ANK1: variants seen among roughly 807,000 people sequenced by gnomAD.
ANK1 encodes the protein ankyrin 1.
A neutral mutation model predicts 210.4 loss-of-function variants in ANK1; 51 were observed. That is an observed-to-expected ratio of 0.24 (90% CI 0.19 to 0.31). ANK1 has a LOEUF of 0.31. ANK1 is among the 10% of genes least tolerant of loss of function. The pLI is 1.00. For synonymous variants in ANK1, 967 were observed against 1,025.9 expected (o/e 0.94, Z 1.10); for missense variants, 2,051 against 2,504.4 (o/e 0.82, Z 3.86).
intron 1 of ANK1, among the ~76,000 whole-genome samples, chr8:41,843,850 T>C (rs544623890): frequency 1.3e-5 from 2 of 152,304 alleles, no homozygotes; most frequent in African/African-American, 4.8e-5. Context: ...AGGGTCTCCA[T>C]AAATCTCATG....
At chr8:41,766,840 C>T (rs1841897014) in intron 1 of ANK1, among the ~76,000 whole-genome samples, 1 of 152,238 alleles carries the variant, frequency 6.6e-6, no homozygotes, top group African/African-American at 2.4e-5. Context: ...TCATTTCCTG[C>T]TACCTGGGGG....
At position 41,831,639 on chromosome 8, in the gene ANK1, C is replaced by CA. The variant is rs143137281; in HGVS notation, c.126+64715dup. On this transcript the variant is annotated intron_variant, in intron 1 of 42. Transcript: ENST00000265709. ...ACTCCAGTGCAGAGCAAAAGTCTGT[C>CA]AAAAAAAAAAAAAAAAGAAGAAGAA... 5.9e-3 allele frequency among the ~76,000 whole-genome samples: 343 copies of CA among 58,382 alleles called. 3 individuals carry two copies. The highest frequency in any genetic ancestry group is 0.02 in the Middle Eastern group (2 of 102). 38.3% of individuals were successfully genotyped at this position (58,382 alleles called of 152,430 possible). A position where few individuals can be genotyped will look rare whatever the true frequency, so the allele number is the denominator to read the frequency against.
intron 1 of ANK1, among the ~76,000 whole-genome samples, chr8:41,890,267 G>A (rs1001658435): frequency 6.6e-6 from 1 of 152,200 alleles, no homozygotes; most frequent in African/African-American, 2.4e-5. Flanking sequence ...TCATGCACAC[G>A]TAGCTGATAC....
intron 1 of ANK1, among the ~76,000 whole-genome samples, chr8:41,886,972 A>G (rs1472951387): frequency 2.0e-5 from 3 of 152,094 alleles, no homozygotes; most frequent in Admixed American, 6.6e-5. Context: ...CCAAGACCCA[A>G]CTGCCTGGGC....
chr8:41,715,079 G>C lies in ANK1; in HGVS notation c.1603-5C>G. 3 of 1,614,004 alleles carry C rather than the reference G, an allele frequency of 1.9e-6. No homozygotes were observed. Among genetic ancestry groups the C allele is most frequent in the Non-Finnish European group, 2.5e-6 (3 of 1,179,954 alleles). On this transcript the variant is annotated splice_region_variant and splice_polypyrimidine_tract_variant and intron_variant, in intron 14 of 42. Coordinates refer to ENST00000289734, the MANE Select transcript of ANK1 (RefSeq NM_000037.4). The stretch of plus-strand genomic sequence containing the variant: ...GTGCAGAGGGGTAAATCCTTTCTGA[G>C]GAGAAACAGGCTGTCAGGACCTTGG...
At chr8:41,740,398 A>C (rs1834486580) in intron 2 of ANK1, among the ~76,000 whole-genome samples, 1 of 151,876 alleles carries the variant, frequency 6.6e-6, no homozygotes, top group African/African-American at 2.4e-5. Flanking sequence ...GAACTTAGGT[A>C]GTCTACCCGT....
At chr8:41,679,231 G>A (rs1204023102) in intron 37 of ANK1, among the ~76,000 whole-genome samples, 1 of 152,190 alleles carries the variant, frequency 6.6e-6, no homozygotes, top group Non-Finnish European at 1.5e-5. Context: ...ATTTTACCTT[G>A]TGGAGTGCTG....
Position 41,731,908 on chromosome 8 carries a change from C to T in ANK1, c.228+2063G>A, listed in dbSNP as rs572566110. ...ATGGCACACAGCTCACAGCCAGGTA[C>T]GTGGGAGTGTGCAGAGAAAATAATC... On this transcript the variant is annotated intron_variant, in intron 3 of 42. Transcript: ENST00000289734. Among the ~76,000 whole-genome samples, 262 of 152,318 alleles carry T rather than the reference C, an allele frequency of 1.7e-3. 10 individuals carry two copies. In the South Asian group the frequency reaches 0.049, roughly 29 times the overall value.
At chr8:41,666,458 A>G (rs879371805) in intron 39 of ANK1, among the ~76,000 whole-genome samples, 6 of 152,224 alleles carry the variant, frequency 3.9e-5, no homozygotes, top group Non-Finnish European at 7.3e-5. Flanking sequence ...CACGGGGAAA[A>G]GTATGTGCAA....
chr8:41,686,682 C>A (rs931347025), intron 35 of ANK1, among the ~76,000 whole-genome samples: 8 of 152,206 alleles, frequency 5.3e-5, no homozygotes, highest in African/African-American at 1.9e-4. Flanking sequence ...ATTCTCACCC[C>A]AGCACTGCCT....
intron 8 of ANK1, 121 bp downstream of exon 8, chr8:41,723,414 C>T (rs752507488): frequency 8.8e-5 from 109 of 1,245,560 alleles, no homozygotes; most frequent in African/African-American, 1.9e-4. Flanking sequence ...CTGCTGCAGG[C>T]GGCTCCGGGA....
At chr8:41,771,146 G>C (rs1382812539) in intron 1 of ANK1, among the ~76,000 whole-genome samples, 1 of 152,120 alleles carries the variant, frequency 6.6e-6, no homozygotes, top group African/African-American at 2.4e-5. Context: ...CTATGGAAAA[G>C]ATTTAGATTC....
rs1408722134 is a variant in ANK1 at position 41,822,083 on chromosome 8, AG to A, written c.127-63947del. Among the ~76,000 whole-genome samples the A allele has an allele frequency of 6.2e-3, 235 of 38,044 alleles. 4 individuals are homozygous for A. Among genetic ancestry groups the A allele is most frequent in the African/African-American group, 0.052 (209 of 3,996 alleles). The allele number at this position is 38,044 out of a possible 152,430, so 25.0% of individuals were successfully genotyped here. Reference sequence around the variant, plus strand: ...GAAAGAAAGAGAGAGAGAGAGAGAGAGAGAGAGAGAGAGAGAGAGAGAGAGA... The same window carrying A: ...GAAAGAAAGAGAGAGAGAGAGAGAGAAGAGAGAGAGAGAGAGAGAGAGAGA... On this transcript the variant is annotated intron_variant, in intron 1 of 42. Transcript: ENST00000265709.
chr8:41,733,608 C>T (rs1405178397), intron 3 of ANK1, among the ~76,000 whole-genome samples: 1 of 152,212 alleles, frequency 6.6e-6, no homozygotes, highest in African/African-American at 2.4e-5. Flanking sequence ...CCAAGTAACT[C>T]GTCCCAGGTC....
At chr8:41,737,352 A>G (rs544371641) in intron 2 of ANK1, among the ~76,000 whole-genome samples, 1 of 152,336 alleles carries the variant, frequency 6.6e-6, no homozygotes, top group South Asian at 2.1e-4. Flanking sequence ...TTATCAGATG[A>G]TGAAAGCATA....
At position 41,723,654 on chromosome 8, in the gene ANK1, G is replaced by A. The variant is rs777548926; in HGVS notation, c.712-21C>T. On this transcript the variant is annotated intron_variant, in intron 7 of 42. Coordinates refer to ENST00000289734, the MANE Select transcript of ANK1 (RefSeq NM_000037.4). ...CCGTTCTGAAGGGAGGAAGCAGGAC[G>A]GTCAGGGCGCGTCATCCTTCCCTGG... 58 of 1,607,944 alleles carry A rather than the reference G, an allele frequency of 3.6e-5. 1 individual carries two copies. The South Asian group carries it at 5.4e-4, about 15-fold the overall frequency.
intron 3 of ANK1, among the ~76,000 whole-genome samples, chr8:41,729,002 C>T (rs567391691): frequency 6.6e-6 from 1 of 152,194 alleles, no homozygotes; most frequent in Non-Finnish European, 1.5e-5. Context: ...ATACCTTTGA[C>T]GCCATCCCAG....
At chr8:41,754,797 T>A (rs1017536822) in intron 2 of ANK1, among the ~76,000 whole-genome samples, 1 of 152,138 alleles carries the variant, frequency 6.6e-6, no homozygotes, top group African/African-American at 2.4e-5. Flanking sequence ...ACCAGGACTC[T>A]CCCTGCAACA....
intron 1 of ANK1, among the ~76,000 whole-genome samples, chr8:41,895,744 A>G (rs978137323): frequency 6.6e-6 from 1 of 152,178 alleles, no homozygotes; most frequent in Non-Finnish European, 1.5e-5. Context: ...GTAGAGGAGA[A>G]GGCGCCTTCT....
Sources: gnomAD v4.1 joint callset for allele counts (sites outside exome capture counted in the v4.1 genomes callset) on GRCh38, gnomAD v4.1.1 for gene constraint, MANE v1.5 for transcripts, NCBI Gene and HGNC (gene_info 2026-07-23, HGNC 2026-07-21) for gene names.